The following RIMS2 variants were observed in gnomAD, a reference collection of about 807,000 sequenced individuals.
RIMS2 encodes the protein regulating synaptic membrane exocytosis 2, also known as regulating synaptic membrane exocytosis protein 2.
RIMS2 carries 59 observed loss-of-function variants against 174.4 expected under a neutral mutation model. The observed-to-expected ratio is 0.34, with a 90% CI of 0.27 to 0.42. RIMS2 has a LOEUF of 0.42. Ranked by LOEUF, RIMS2 falls within the 10% of genes least tolerant of loss-of-function variation. The probability of loss-of-function intolerance (pLI) is 1.00; values close to 1 mark genes in which losing one functional copy is unlikely to be tolerated. For missense variants in RIMS2, 1,620 were observed against 1,666.3 expected (o/e 0.97, Z 0.48); for synonymous variants, 606 against 572.5 (o/e 1.06, Z -0.84).
At chr8:103,914,168 A>G (rs770668705) in intron 6 of RIMS2, among the ~76,000 whole-genome samples, 5 of 152,130 alleles carry the variant, frequency 3.3e-5, no homozygotes, top group Non-Finnish European at 5.9e-5. Flanking sequence ...TTGGAAGGCT[A>G]AGGCAGGAGG....
At chr8:103,737,282 C>T (rs1183927301) in intron 2 of RIMS2, among the ~76,000 whole-genome samples, 5 of 138,118 alleles carry the variant, frequency 3.6e-5, no homozygotes, top group Non-Finnish European at 3.0e-5. Flanking sequence ...CTCCCAGGTT[C>T]AAGTGATTCT....
chr8:103,751,474 T>G lies in RIMS2; in HGVS notation c.388-14753T>G, dbSNP rs370875153. On this transcript the variant is annotated intron_variant, in intron 2 of 23. Transcript: ENST00000504942. ...TGGGTATATACCCAGTAATGGGATG[T>G]CTGGGTCAAATGGTATTTCTAGTTC... Among the ~76,000 whole-genome samples the G allele has an allele frequency of 4.2e-4, 63 of 151,798 alleles. 3 individuals are homozygous for G. The highest frequency in any genetic ancestry group is 7.8e-4 in the East Asian group (4 of 5,104).
chr8:104,026,397 T>C (rs921916565), intron 19 of RIMS2, among the ~76,000 whole-genome samples: 7 of 152,208 alleles, frequency 4.6e-5, no homozygotes, highest in African/African-American at 9.6e-5. Context: ...TGTTTCATTA[T>C]TGTTTGTTAA....
rs558834018 is a variant in RIMS2 at position 103,753,922 on chromosome 8, A to G, written c.388-12305A>G. 5.8e-3 allele frequency among the ~76,000 whole-genome samples: 888 copies of G among 151,858 alleles called. 3 individuals carry two copies. Among genetic ancestry groups the G allele is most frequent in the Non-Finnish European group, 0.01 (704 of 67,942 alleles). On this transcript the variant is annotated intron_variant, in intron 2 of 23. Transcript: ENST00000504942. ...TTTTTCAAGGGTTTTTTGTGTCTCT[A>G]TCTCCTTCAGTTCTGCTCTGATCTT...
chr8:104,023,980 A>G (rs1395041701), intron 19 of RIMS2, among the ~76,000 whole-genome samples: 1 of 152,220 alleles, frequency 6.6e-6, no homozygotes, highest in Non-Finnish European at 1.5e-5. Flanking sequence ...GTAGGAAGTC[A>G]CTATGTTGAC....
At chr8:103,953,121 G>T (rs527985286) in intron 14 of RIMS2, among the ~76,000 whole-genome samples, 1 of 152,220 alleles carries the variant, frequency 6.6e-6, no homozygotes, top group Non-Finnish European at 1.5e-5. Context: ...CCAAATCTAT[G>T]TTTGATTGGT....
At chr8:103,617,912 T>C (rs1340479933) in intron 1 of RIMS2, among the ~76,000 whole-genome samples, 1 of 152,140 alleles carries the variant, frequency 6.6e-6, no homozygotes, top group Non-Finnish European at 1.5e-5. Flanking sequence ...GGTGGGAGTG[T>C]AAATTGGTTC....
At chr8:104,166,463 C>G (rs1054454104) in intron 19 of RIMS2, among the ~76,000 whole-genome samples, 3 of 152,030 alleles carry the variant, frequency 2.0e-5, no homozygotes, top group African/African-American at 7.2e-5. Flanking sequence ...GCATAGGGAG[C>G]TTCAGAAGTG....
intron 19 of RIMS2, among the ~76,000 whole-genome samples, chr8:104,118,871 G>C (rs1179990634): frequency 6.6e-6 from 1 of 152,092 alleles, no homozygotes; most frequent in East Asian, 1.9e-4. Flanking sequence ...CAGAGAAAGG[G>C]AAAGCAAGGT....
At chr8:103,928,257 A>G (rs2154531088) in intron 11 of RIMS2, among the ~76,000 whole-genome samples, 1 of 151,622 alleles carries the variant, frequency 6.6e-6, no homozygotes, top group Admixed American at 6.6e-5. Context: ...GTCTCTTTAA[A>G]TCACTCATTA....
intron 3 of RIMS2, among the ~76,000 whole-genome samples, chr8:103,832,902 A>G (rs970818375): frequency 3.3e-5 from 5 of 152,240 alleles, no homozygotes; most frequent in African/African-American, 1.2e-4. Flanking sequence ...TTTTAAACAA[A>G]TCAAGAGAAA....
intron 3 of RIMS2, among the ~76,000 whole-genome samples, chr8:103,771,761 AT>A (rs1260424704): frequency 6.6e-6 from 1 of 151,856 alleles, no homozygotes; most frequent in African/African-American, 2.4e-5. Flanking sequence ...CTCTTTCACT[AT>A]TTTTTTCCTC....
chr8:103,710,572 T>A (rs1228984687), intron 2 of RIMS2, among the ~76,000 whole-genome samples: 1 of 152,134 alleles, frequency 6.6e-6, no homozygotes, highest in East Asian at 1.9e-4. Context: ...TAGAAAGACA[T>A]TAAAAGTAAT....
intron 3 of RIMS2, among the ~76,000 whole-genome samples, chr8:103,796,443 C>G (rs886284609): frequency 6.6e-5 from 10 of 152,102 alleles, no homozygotes; most frequent in African/African-American, 2.4e-4. Flanking sequence ...GGTAGATTTT[C>G]CAGTGGAACA....
intron 1 of RIMS2, among the ~76,000 whole-genome samples, chr8:103,577,572 G>A (rs1195780983): frequency 2.0e-5 from 3 of 152,068 alleles, no homozygotes; most frequent in African/African-American, 7.2e-5. Context: ...TAACAAACCT[G>A]TACATTCTGT....
At chr8:103,783,602 A>G (rs911543076) in intron 3 of RIMS2, among the ~76,000 whole-genome samples, 1 of 151,774 alleles carries the variant, frequency 6.6e-6, no homozygotes, top group Admixed American at 6.6e-5. Context: ...TGAACTCATC[A>G]TTTTTTATGG....
intron 13 of RIMS2, among the ~76,000 whole-genome samples, chr8:103,940,440 A>G (rs933063025): frequency 2.0e-5 from 3 of 152,130 alleles, no homozygotes; most frequent in African/African-American, 7.2e-5. Flanking sequence ...ACACAAGGGT[A>G]TTGTGGGAGT....
intron 10 of RIMS2, among the ~76,000 whole-genome samples, chr8:103,925,805 A>C (rs1204553982): frequency 1.3e-5 from 2 of 151,600 alleles, no homozygotes; most frequent in African/African-American, 2.4e-5. Context: ...TGGGATGATG[A>C]AAATATTTTG....
chr8:103,588,025 G>A (rs1294736837), intron 1 of RIMS2, among the ~76,000 whole-genome samples: 1 of 151,888 alleles, frequency 6.6e-6, no homozygotes, highest in East Asian at 1.9e-4. Flanking sequence ...TCCACAAGAC[G>A]ACTATTAGAA....
Sources: allele counts gnomAD v4.1 joint callset (sites outside exome capture counted in the v4.1 genomes callset), GRCh38; gene constraint gnomAD v4.1.1; transcripts MANE v1.5; gene names NCBI Gene and HGNC (gene_info 2026-07-23, HGNC 2026-07-21).